PDZRN4: variants seen among roughly 807,000 people sequenced by gnomAD.
PDZRN4 encodes the protein PDZ domain-containing RING finger protein 4.
Under a neutral mutation model 99.0 loss-of-function variants are expected in PDZRN4, and 70 were observed. The observed-to-expected ratio is 0.71, with a 90% CI of 0.58 to 0.86. The LOEUF is 0.86. PDZRN4 is among the 40% of genes least tolerant of loss of function. The probability of loss-of-function intolerance (pLI) is 0.00; values close to 1 mark genes in which losing one functional copy is unlikely to be tolerated. For missense variants in PDZRN4, 1,474 were observed against 1,331.2 expected (o/e 1.11, Z -1.67); for synonymous variants, 551 against 501.6 (o/e 1.10, Z -1.32).
At chr12:41,413,615 A>C (rs912766632) in intron 3 of PDZRN4, among the ~76,000 whole-genome samples, 3 of 152,170 alleles carry the variant, frequency 2.0e-5, no homozygotes. Flanking sequence ...GTTGCAGCAC[A>C]TATAATGTTT....
chr12:41,566,482 T>C (rs1179782246), intron 8 of PDZRN4, among the ~76,000 whole-genome samples: 1 of 152,220 alleles, frequency 6.6e-6, no homozygotes, highest in Non-Finnish European at 1.5e-5. Context: ...CTCATCTGCA[T>C]ATCAAAGTCA....
At chr12:41,291,260 T>C (rs1951455059) in intron 3 of PDZRN4, among the ~76,000 whole-genome samples, 2 of 152,128 alleles carry the variant, frequency 1.3e-5, no homozygotes, top group South Asian at 4.1e-4. Context: ...CTATTATTTG[T>C]TCTAATAAAA....
At chr12:41,399,529 G>A (rs1399624755) in intron 3 of PDZRN4, among the ~76,000 whole-genome samples, 1 of 152,130 alleles carries the variant, frequency 6.6e-6, no homozygotes, top group Non-Finnish European at 1.5e-5. Flanking sequence ...GAGGTCTGGA[G>A]TTCGAGACCA....
intron 3 of PDZRN4, among the ~76,000 whole-genome samples, chr12:41,483,653 G>T (rs907167042): frequency 6.6e-6 from 1 of 152,094 alleles, no homozygotes; most frequent in Non-Finnish European, 1.5e-5. Flanking sequence ...AGACTAAATC[G>T]ACTGTATGAG....
chr12:41,288,448 T>A (rs1190132390), intron 3 of PDZRN4, among the ~76,000 whole-genome samples: 2 of 152,192 alleles, frequency 1.3e-5, no homozygotes, highest in Non-Finnish European at 2.9e-5. Flanking sequence ...GTATCAATAT[T>A]GTGATGCCTC....
At chr12:41,310,551 A>G (rs1403894981) in intron 3 of PDZRN4, among the ~76,000 whole-genome samples, 1 of 152,140 alleles carries the variant, frequency 6.6e-6, no homozygotes, top group East Asian at 1.9e-4. Context: ...GGACCTAAGT[A>G]CATTATAACT....
intron 3 of PDZRN4, among the ~76,000 whole-genome samples, chr12:41,403,840 CAA>C (rs1156911763): frequency 6.6e-6 from 1 of 151,858 alleles, no homozygotes; most frequent in African/African-American, 2.4e-5. Flanking sequence ...CTAAAAATCA[CAA>C]AAAAATGCAA....
intron 3 of PDZRN4, among the ~76,000 whole-genome samples, chr12:41,285,856 T>G (rs1951418889): frequency 1.4e-5 from 2 of 146,050 alleles, no homozygotes; most frequent in African/African-American, 5.1e-5. Flanking sequence ...TGTCAGGGGG[T>G]GGTGGGCAAG....
intron 3 of PDZRN4, among the ~76,000 whole-genome samples, chr12:41,377,529 G>C (rs2121094299): frequency 6.6e-6 from 1 of 152,200 alleles, no homozygotes; most frequent in East Asian, 1.9e-4. Flanking sequence ...GCCGGGCATG[G>C]CAGCATGCAC....
chr12:41,430,616 A>G (rs1397183904), intron 3 of PDZRN4, among the ~76,000 whole-genome samples: 1 of 152,194 alleles, frequency 6.6e-6, no homozygotes, highest in Non-Finnish European at 1.5e-5. Context: ...TATTTCTGTT[A>G]TATAAAGAAC....
Position 41,273,340 on chromosome 12 carries a change from G to T in PDZRN4, c.843+79152G>T, listed in dbSNP as rs74381566. Among the ~76,000 whole-genome samples the T allele has an allele frequency of 8.1e-4, 124 of 152,176 alleles. 1 individual carries two copies. The East Asian group carries it at 0.011, about 13-fold the overall frequency. ...ACAGTATGCTGGCAAGCGCAAGAAT[G>T]ATCAAACCTGGTTGTGGAGAGTGTC... On this transcript the variant is annotated intron_variant, in intron 3 of 9. Transcript: ENST00000402685.
intron 3 of PDZRN4, among the ~76,000 whole-genome samples, chr12:41,210,006 C>G (rs1055431684): frequency 1.3e-5 from 2 of 151,778 alleles, no homozygotes; most frequent in Non-Finnish European, 2.9e-5. Context: ...TCTCCAGCAC[C>G]TGTTGTTTCC....
chr12:41,216,981 AC>A (rs763410952), intron 3 of PDZRN4, among the ~76,000 whole-genome samples: 4 of 152,126 alleles, frequency 2.6e-5, no homozygotes, highest in Non-Finnish European at 4.4e-5. Flanking sequence ...GAAGAAATCA[AC>A]TCCCCAACAT....
intron 3 of PDZRN4, among the ~76,000 whole-genome samples, chr12:41,302,405 AG>A (rs137887524): frequency 0.02 from 3,071 of 152,258 alleles, 87 homozygotes; most frequent in African/African-American, 0.069. Context: ...ATCCAAGGGA[AG>A]GGGTGTACAC....
chr12:41,256,522 A>G (rs959353012), intron 3 of PDZRN4, among the ~76,000 whole-genome samples: 1 of 152,160 alleles, frequency 6.6e-6, no homozygotes, highest in Non-Finnish European at 1.5e-5. Context: ...ACAAGCCAAC[A>G]TTTACCTTCT....
chr12:41,295,556 C>T (rs566110245), intron 3 of PDZRN4, among the ~76,000 whole-genome samples: 2 of 152,090 alleles, frequency 1.3e-5, no homozygotes, highest in African/African-American at 4.8e-5. Flanking sequence ...TCAAAAACTC[C>T]ATAAGAAAAT....
chr12:41,459,215 A>G (rs997799877), intron 3 of PDZRN4, among the ~76,000 whole-genome samples: 3 of 152,118 alleles, frequency 2.0e-5, no homozygotes, highest in Non-Finnish European at 4.4e-5. Flanking sequence ...TTTTTTCTTT[A>G]GTATATCCCG....
At chr12:41,241,090 C>G (rs1221092721) in intron 3 of PDZRN4, among the ~76,000 whole-genome samples, 2 of 152,052 alleles carry the variant, frequency 1.3e-5, no homozygotes, top group African/African-American at 4.8e-5. Context: ...ATCCCTTATC[C>G]AAAATGCTCA....
At chr12:41,287,341 T>C (rs1014551942) in intron 3 of PDZRN4, among the ~76,000 whole-genome samples, 5 of 152,206 alleles carry the variant, frequency 3.3e-5, no homozygotes. Context: ...TCTAAGATCC[T>C]TTCTAGCTCA....
Sources: allele counts gnomAD v4.1 joint callset (sites outside exome capture counted in the v4.1 genomes callset), GRCh38; gene constraint gnomAD v4.1.1; transcripts MANE v1.5; gene names NCBI Gene and HGNC (gene_info 2026-07-23, HGNC 2026-07-21).